Variants in PTPRD observed in about 807,000 individuals in gnomAD.
The protein encoded by PTPRD is receptor-type tyrosine-protein phosphatase delta.
A neutral mutation model predicts 214.5 loss-of-function variants in PTPRD; 34 were observed. The observed-to-expected ratio is 0.16, with a 90% CI of 0.12 to 0.21. The LOEUF is 0.21. Ranked by LOEUF, PTPRD falls within the 10% of genes least tolerant of loss-of-function variation. The pLI is 1.00. For synonymous variants in PTPRD, 1,128 were observed against 845.7 expected (o/e 1.33, Z -5.79); for missense variants, 2,545 against 2,398.7 (o/e 1.06, Z -1.27).
chr9:9,624,219 T>A (rs1409618), intron 7 of PTPRD, among the ~76,000 whole-genome samples: 50,854 of 151,944 alleles, frequency 0.33, 8,843 homozygotes, highest in Middle Eastern at 0.41. Context: ...TCTGCTACTT[T>A]CCTGTCTTCT....
chr9:10,561,573 G>T (rs1052291740), intron 2 of PTPRD, among the ~76,000 whole-genome samples: 2 of 152,080 alleles, frequency 1.3e-5, no homozygotes, highest in Non-Finnish European at 2.9e-5. Context: ...AGATTCAATA[G>T]AGACCAAATA....
chr9:9,459,315 C>A (rs575369463), intron 8 of PTPRD, among the ~76,000 whole-genome samples: 1 of 152,176 alleles, frequency 6.6e-6, no homozygotes, highest in South Asian at 2.1e-4. Flanking sequence ...TACACTTTTA[C>A]CACTCCTATT....
At chr9:9,078,952 T>G (rs1345444638) in intron 10 of PTPRD, among the ~76,000 whole-genome samples, 1 of 152,110 alleles carries the variant, frequency 6.6e-6, no homozygotes, top group Non-Finnish European at 1.5e-5. Context: ...AGTGATCAGA[T>G]CAGGGTAATT....
At position 8,786,033 on chromosome 9, in the gene PTPRD, T is replaced by TTGTGTG. The variant is rs34200290; in HGVS notation, c.-103-52093_-103-52088dup. 9.8e-3 allele frequency among the ~76,000 whole-genome samples: 1,406 copies of TTGTGTG among 143,300 alleles called. 14 individuals are homozygous for TTGTGTG. Among genetic ancestry groups the TTGTGTG allele is most frequent in the East Asian group, 0.03 (138 of 4,588 alleles). 94.0% of individuals were successfully genotyped at this position (143,300 alleles called of 152,430 possible). ...GCAGTCTGAGAAGCCGCTTAATTTG[T>TTGTGTG]TGTGTGTGTGTGTGTGTGTGTGTGT... is the stretch of plus-strand genomic sequence containing the variant. On this transcript the variant is annotated intron_variant, in intron 11 of 45. Coordinates refer to ENST00000381196, the MANE Select transcript of PTPRD (RefSeq NM_002839.4).
chr9:9,736,142 A>T (rs2098289909), intron 6 of PTPRD, among the ~76,000 whole-genome samples: 1 of 152,146 alleles, frequency 6.6e-6, no homozygotes, highest in Non-Finnish European at 1.5e-5. Context: ...AACACCTTGA[A>T]CATATCATAG....
intron 9 of PTPRD, among the ~76,000 whole-genome samples, chr9:9,251,187 C>T (rs532336532): frequency 1.3e-5 from 2 of 151,934 alleles, no homozygotes; most frequent in African/African-American, 4.8e-5. Flanking sequence ...GCAATAGATC[C>T]CAGGGTTGAG....
At chr9:10,471,236 G>A (rs981875531) in intron 2 of PTPRD, among the ~76,000 whole-genome samples, 3 of 151,962 alleles carry the variant, frequency 2.0e-5, no homozygotes, top group South Asian at 2.1e-4. Context: ...CATGGCATGT[G>A]TATACCTATG....
rs1289140465 is a variant in PTPRD, at chr9:8,331,748, A to AAGCCACATACCCGGCCGCAAAGGAAG, written c.5380-38_5380-13dup. 6.3e-7 allele frequency: 1 copy of AAGCCACATACCCGGCCGCAAAGGAAG among 1,577,426 alleles called. No individual in the cohort carries two copies. The highest frequency in any genetic ancestry group is 8.6e-7 in the Non-Finnish European group (1 of 1,163,290). ...CGGGACTGGCCGTCCTTTAGAAGGA[A>AAGCCACATACCCGGCCGCAAAGGAAG]AGCCACATACCCGGCCGCAAAGGAA... On this transcript the variant is annotated splice_polypyrimidine_tract_variant and intron_variant, in intron 43 of 45. Transcript: ENST00000381196.
At chr9:8,668,564 G>A (rs753480041) in intron 12 of PTPRD, among the ~76,000 whole-genome samples, 1 of 152,108 alleles carries the variant, frequency 6.6e-6, no homozygotes, top group Non-Finnish European at 1.5e-5. Context: ...CTAAGAGACT[G>A]CATCAAAACA....
intron 11 of PTPRD, among the ~76,000 whole-genome samples, chr9:8,853,198 A>G (rs995365536): frequency 3.3e-5 from 5 of 152,186 alleles, no homozygotes; most frequent in African/African-American, 4.8e-5. Context: ...CACCATTGTG[A>G]TGGCATTATT....
At chr9:9,816,034 C>T (rs2048660520) in intron 5 of PTPRD, among the ~76,000 whole-genome samples, 1 of 152,108 alleles carries the variant, frequency 6.6e-6, no homozygotes, top group Non-Finnish European at 1.5e-5. Flanking sequence ...TCAAGAGTCA[C>T]TGCAAGGAAT....
intron 5 of PTPRD, among the ~76,000 whole-genome samples, chr9:9,850,468 G>A (rs937393689): frequency 1.3e-5 from 2 of 152,092 alleles, no homozygotes; most frequent in Non-Finnish European, 2.9e-5. Flanking sequence ...ATTTTCTGGA[G>A]TCATGTGATG....
chr9:9,013,170 C>T (rs979805684), intron 11 of PTPRD, among the ~76,000 whole-genome samples: 1 of 151,498 alleles, frequency 6.6e-6, no homozygotes, highest in Non-Finnish European at 1.5e-5. Flanking sequence ...TTTTCAATAT[C>T]TGAGGCATTG....
chr9:8,689,548 CTGA>C (rs1489014046), intron 12 of PTPRD, among the ~76,000 whole-genome samples: 11 of 152,108 alleles, frequency 7.2e-5, no homozygotes, highest in African/African-American at 2.7e-4. Context: ...GTGGGAATCC[CTGA>C]TAATACCGTC....
At chr9:9,754,715 G>T (rs552339289) in intron 6 of PTPRD, among the ~76,000 whole-genome samples, 9 of 152,016 alleles carry the variant, frequency 5.9e-5, no homozygotes, top group Non-Finnish European at 1.2e-4. Flanking sequence ...GTTACAGGCA[G>T]TTGGACTATA....
At chr9:10,261,425 T>G (rs1218507152) in intron 3 of PTPRD, among the ~76,000 whole-genome samples, 2 of 152,094 alleles carry the variant, frequency 1.3e-5, no homozygotes, top group Non-Finnish European at 2.9e-5. Flanking sequence ...ATTAGGACAT[T>G]AAAATCAGAC....
intron 11 of PTPRD, among the ~76,000 whole-genome samples, chr9:8,981,982 T>C (rs778716018): frequency 6.6e-6 from 1 of 151,974 alleles, no homozygotes; most frequent in Admixed American, 6.6e-5. Context: ...GGTAGATCAC[T>C]TTTTAAAAGA....
chr9:9,431,017 C>A (rs1218265354), intron 8 of PTPRD, among the ~76,000 whole-genome samples: 1 of 152,034 alleles, frequency 6.6e-6, no homozygotes, highest in Non-Finnish European at 1.5e-5. Flanking sequence ...TCTAAAACAC[C>A]AAAAGCAATG....
intron 5 of PTPRD, among the ~76,000 whole-genome samples, chr9:9,847,182 C>A (rs1357253026): frequency 4.1e-4 from 62 of 151,996 alleles, no homozygotes; most frequent in East Asian, 1.9e-4. Context: ...CCCTGTTTTT[C>A]TTTGTCCCTG....
Sources: allele counts gnomAD v4.1 joint callset (sites outside exome capture counted in the v4.1 genomes callset), GRCh38; gene constraint gnomAD v4.1.1; transcripts MANE v1.5; gene names NCBI Gene and HGNC (gene_info 2026-07-23, HGNC 2026-07-21).